The following CA14 variants were observed in gnomAD, a reference collection of about 807,000 sequenced individuals.
CA14 encodes the protein CA-XIV.
Under a neutral mutation model 48.8 loss-of-function variants are expected in CA14, and 44 were observed. The ratio of observed to expected loss-of-function variants is 0.90; its 90% CI spans 0.71 to 1.16. The LOEUF (loss-of-function observed/expected upper bound fraction) is 1.16. CA14 is among the 50% of genes most tolerant of loss of function. The pLI is 0.00. For synonymous variants in CA14, 154 were observed against 155.0 expected, an observed-to-expected ratio of 0.99 and a Z score of 0.05; for missense variants, 386 against 401.0, an observed-to-expected ratio of 0.96 and a Z score of 0.32.
At chr1:150,259,359 C>T (rs1345596153) in intron 1 of CA14, among the ~76,000 whole-genome samples, 2 of 152,152 alleles carry the variant, frequency 1.3e-5, no homozygotes, top group Non-Finnish European at 2.9e-5. Flanking sequence ...CCTGCAGACC[C>T]TCAGCCTTTG....
At chr1:150,263,588 G>A in intron 8 of CA14, 71 bp from the exon 9 acceptor site, 1 of 1,612,426 alleles carries the variant, frequency 6.2e-7, no homozygotes, top group Non-Finnish European at 8.5e-7. Context: ...CCCAGGCACA[G>A]CAGCAGAGAG....
rs1553848554 is a variant in CA14 at position 150,263,670 on chromosome 1, T to C, written c.853T>C (p.Tyr285His). The C allele has an allele frequency of 6.2e-7, 1 of 1,613,964 alleles. No homozygotes were observed. The highest frequency in any genetic ancestry group is 2.2e-5 in the East Asian group (1 of 44,878). Residue 285 changes from tyrosine (Y) to histidine (H), a missense_variant, in exon 9 of 11, where the codon TAT (tyrosine) becomes CAT (histidine). Transcript: ENST00000369111. Reference protein sequence around the residue: ...FASFIQAGSSYTTGEMLSLGV... With the variant: ...FASFIQAGSSHTTGEMLSLGV... ...TTCTTCTCTTACAGCAGGATCCTCG[T>C]ATACCACAGGTAAGCCAGCCTTATA...
chr1:150,257,804 G>C lies in CA14; in HGVS notation c.-325G>C, dbSNP rs1650669189. 2 of 181,068 alleles carry C rather than the reference G, an allele frequency of 1.1e-5. No homozygotes were observed. Among genetic ancestry groups the C allele is most frequent in the African/African-American group, 2.4e-5 (1 of 42,438 alleles). 11.2% of individuals were successfully genotyped at this position (181,068 alleles called of 1,614,324 possible). A position where few individuals can be genotyped will look rare whatever the true frequency, so the allele number is the denominator to read the frequency against. ...CCCCGTCCCCACATACACCAGTTCA[G>C]AGCCACCTTAAAAGCAGGAGGCAGT... On this transcript the variant is annotated 5_prime_UTR_variant, in exon 1 of 11. Coordinates refer to ENST00000369111, the MANE Select transcript of CA14 (RefSeq NM_012113.3).
At chr1:150,262,778 A>G in intron 5 of CA14, 26 bp from the exon 6 acceptor site, 1 of 1,573,898 alleles carries the variant, frequency 6.4e-7, no homozygotes, top group Non-Finnish European at 8.7e-7. Context: ...CTCATTCCAA[A>G]CTCTCTCCCT....
rs782736786 is a variant in CA14, at chr1:150,263,758, T to C, written c.863-36T>C. The C allele has an allele frequency of 8.7e-6, 14 of 1,608,780 alleles. No individual in the cohort carries two copies. The East Asian group carries it at 2.2e-4, about 26-fold the overall frequency. Reference sequence around the variant, plus strand: ...GGGAAAGGCTCAAAATCTATGTTAGTCCTAGGCTGACACCTTTTACCTTTA... The same window carrying C: ...GGGAAAGGCTCAAAATCTATGTTAGCCCTAGGCTGACACCTTTTACCTTTA... On this transcript the variant is annotated intron_variant, in intron 9 of 10. Coordinates refer to ENST00000369111, the MANE Select transcript of CA14 (RefSeq NM_012113.3).
intron 5 of CA14, 70 bp downstream of exon 5, chr1:150,262,690 C>T: frequency 7.1e-7 from 1 of 1,416,446 alleles, no homozygotes. Flanking sequence ...ATTTCTGTTG[C>T]TGGCCTCCTT....
Position 150,261,583 on chromosome 1 carries a change from C to A in CA14, c.201C>A (p.His67Gln). The change falls in exon 3 of 11, where the codon CAC becomes CAA. Residue 67 changes from histidine (H) to glutamine (Q), a missense_variant. His to Gln is a conservative substitution (Grantham distance 24, BLOSUM62 0). Transcript: ENST00000369111. ...CTGATTTGCCTGCTCTGCAGCCCCA[C>A]GGATATGACCAGCCTGGCACCGAGC... The part of the protein sequence containing the change: ...FDPDLPALQP[H>Q]GYDQPGTEPL... The A allele has an allele frequency of 1.2e-6, 2 of 1,614,166 alleles. No individual in the cohort carries two copies. Among genetic ancestry groups the A allele is most frequent in the South Asian group, 1.1e-5 (1 of 91,082 alleles).
At chr1:150,260,118 G>A (rs781982811) in intron 1 of CA14, 33 bp from the exon 2 acceptor site, 18 of 1,611,788 alleles carry the variant, frequency 1.1e-5, no homozygotes, top group Middle Eastern at 2.0e-4. Context: ...CCCAGGCTGC[G>A]CTGGCTGTAA....
At chr1:150,261,695 T>A in intron 3 of CA14, 57 bp downstream of exon 3, 21 of 1,522,924 alleles carry the variant, frequency 1.4e-5, no homozygotes, top group Non-Finnish European at 1.8e-5. Flanking sequence ...AGGAGTCAGA[T>A]CCTTTTGTAG....
chr1:150,258,419 G>A (rs1489827429), intron 1 of CA14, among the ~76,000 whole-genome samples: 2 of 151,982 alleles, frequency 1.3e-5, no homozygotes, highest in Non-Finnish European at 2.9e-5. Context: ...GGCAGAGTGT[G>A]TACACATGCA....
rs1560026617 is a variant in CA14, at chr1:150,263,082, G to GCT, written c.605_606dup (p.Pro203SerfsTer90). On this transcript the variant is annotated frameshift_variant, in exon 7 of 11. Transcript: ENST00000369111. LOFTEE classifies it high-confidence loss of function. ...TGCCTCCCTTCAACCTAAGAGAGCT[G>GCT]CTCCCCAAACAGCTGGGGCAGTACT... is the stretch of plus-strand genomic sequence containing the variant. The GCT allele has an allele frequency of 1.2e-6, 2 of 1,613,998 alleles. No individual in the cohort carries two copies. Among genetic ancestry groups the GCT allele is most frequent in the African/African-American group, 2.7e-5 (2 of 74,912 alleles).
chr1:150,264,190 T>A (rs1006730884), intron 10 of CA14, among the ~76,000 whole-genome samples: 2 of 151,860 alleles, frequency 1.3e-5, no homozygotes, highest in Admixed American at 1.3e-4. Flanking sequence ...CCTCCCAAAG[T>A]ACTGGGATTA....
rs782518767 is a variant in CA14, at chr1:150,262,909, C to T, written c.562+39C>T. The T allele has an allele frequency of 5.0e-6, 8 of 1,586,496 alleles. No individual in the cohort carries two copies. The South Asian group carries it at 7.7e-5, about 15-fold the overall frequency. On this transcript the variant is annotated intron_variant, in intron 6 of 10. Transcript: ENST00000369111. ...ATCTATAGCAGGAAGTAAGATTAGA[C>T]TTTCAAAAACTATCCTTAAAAGCCT... is the stretch of plus-strand genomic sequence containing the variant.
At position 150,257,954 on chromosome 1, in the gene CA14, T is replaced by A. The variant is rs998712298; in HGVS notation, c.-175T>A. On this transcript the variant is annotated 5_prime_UTR_variant, in exon 1 of 11. Coordinates refer to ENST00000369111, the MANE Select transcript of CA14 (RefSeq NM_012113.3). ...CCATGATACCCTACTGAACACCGAA[T>A]CCCCTGGAAGCCCACAGAGACAGAG... 1.1e-5 allele frequency: 5 copies of A among 438,616 alleles called. No individual in the cohort carries two copies. The highest frequency in any genetic ancestry group is 1.0e-4 in the African/African-American group (5 of 49,310). The allele number at this position is 438,616 out of a possible 1,614,324, so 27.2% of individuals were successfully genotyped here. A position where few individuals can be genotyped will look rare whatever the true frequency, so the allele number is the denominator to read the frequency against.
Position 150,263,912 on chromosome 1 carries a change from CTTCTT to C in CA14, c.947+37_947+41del. 7 of 997,804 alleles carry C rather than the reference CTTCTT, an allele frequency of 7.0e-6. No individual in the cohort carries two copies. In the Admixed American group the frequency reaches 1.5e-4, roughly 21 times the overall value. 61.8% of individuals were successfully genotyped at this position (997,804 alleles called of 1,614,324 possible). On this transcript the variant is annotated intron_variant, in intron 10 of 10. Transcript: ENST00000369111. Reference sequence around the variant, plus strand: ...CTACTTTCCATTCCTCCAGTCCCTTCTTCTTTTTTTTTTTTTTTTTGGTAGGTGGG... The same window carrying C: ...CTACTTTCCATTCCTCCAGTCCCTTCTTTTTTTTTTTTTTTGGTAGGTGGG...
intron 6 of CA14, 83 bp downstream of exon 6, chr1:150,262,953 T>C (rs1167085412): frequency 1.8e-5 from 29 of 1,580,162 alleles, no homozygotes; most frequent in Middle Eastern, 1.7e-4. Flanking sequence ...AGCAATTACA[T>C]AGAGCCAAGG....
rs1168655049 is a variant in CA14, at chr1:150,260,751, G to GATTTTTTTTTTTTTTTT, written c.76+580_76+581insATTTTTTTTTTTTTTTT. ...CCTCCAGGAGACCGTATCTCTCTAG[G>GATTTTTTTTTTTTTTTT]TTATTTTTTTTTTTTTTTTTTTTTT... On this transcript the variant is annotated intron_variant, in intron 2 of 10. Transcript: ENST00000369111. The GATTTTTTTTTTTTTTTT allele has an allele frequency of 2.9e-5, 3 of 104,848 alleles. 1 individual carries two copies. Among genetic ancestry groups the GATTTTTTTTTTTTTTTT allele is most frequent in the Non-Finnish European group, 3.6e-5 (2 of 55,278 alleles). The allele number at this position is 104,848 out of a possible 1,614,324, so 6.5% of individuals were successfully genotyped here.
chr1:150,263,833 GTC>G lies in CA14; in HGVS notation c.906_907del (p.Cys303ProfsTer10). 2 of 1,613,834 alleles carry G rather than the reference GTC, an allele frequency of 1.2e-6. No homozygotes were observed. The highest frequency in any genetic ancestry group is 1.7e-6 in the Non-Finnish European group (2 of 1,179,970). On this transcript the variant is annotated frameshift_variant, in exon 10 of 11. Coordinates refer to ENST00000369111, the MANE Select transcript of CA14 (RefSeq NM_012113.3). LOFTEE classifies it high-confidence loss of function. ...CTAGGTGTAGGAATCTTGGTTGGCT[GTC>G]TCTGCCTTCTCCTGGCTGTTTATTT...
chr1:150,260,537 C>T, intron 2 of CA14: 1 of 379,100 alleles, frequency 2.6e-6, no homozygotes, highest in South Asian at 2.2e-5. Context: ...TGGGACAGAG[C>T]TGGAGGTCAG....
Sources: allele counts gnomAD v4.1 joint callset (sites outside exome capture counted in the v4.1 genomes callset), GRCh38; gene constraint gnomAD v4.1.1; transcripts MANE v1.5; gene names NCBI Gene and HGNC (gene_info 2026-07-23, HGNC 2026-07-21).